The following RABEPK variants were observed in gnomAD, a reference collection of about 807,000 sequenced individuals.
The protein encoded by RABEPK is Rab9 effector protein with kelch motifs.
In RABEPK, 27 loss-of-function variants were observed where a neutral mutation model predicts 34.1. That is an observed-to-expected ratio of 0.79 (90% CI 0.58 to 1.09). The LOEUF is 1.09. Ranked by LOEUF, RABEPK falls within the 50% of genes least tolerant of loss-of-function variation. The pLI is 0.00. For synonymous variants in RABEPK, 172 were observed against 169.2 expected (o/e 1.02, Z -0.13); for missense variants, 449 against 462.6 (o/e 0.97, Z 0.27).
Position 125,228,018 on chromosome 9 carries a change from C to A in RABEPK, c.635C>A (p.Ala212Glu). The A allele has an allele frequency of 2.5e-6, 4 of 1,603,510 alleles. No individual in the cohort carries two copies. The highest frequency in any genetic ancestry group is 3.4e-6 in the Non-Finnish European group (4 of 1,173,768). The change falls in exon 6 of 8, where the codon GCG (alanine) becomes GAG (glutamate). Residue 212 changes from alanine (A) to glutamate (E), a missense_variant. Transcript: ENST00000373538. ...GTKLFIHGGL[A>E]GDRFYDDLHC... is the part of the protein sequence containing the mutation. The stretch of plus-strand genomic sequence containing the variant: ...AAGCTCTTCATCCACGGAGGCTTGG[C>A]GGGGGACAGATTCTATGATGACCTC...
At chr9:125,211,530 T>G (rs947587726) in intron 3 of RABEPK, among the ~76,000 whole-genome samples, 1 of 152,182 alleles carries the variant, frequency 6.6e-6, no homozygotes, top group African/African-American at 2.4e-5. Context: ...TTGATAATGT[T>G]GGAAAATCTA....
chr9:125,232,593 C>T lies in RABEPK; in HGVS notation c.677-3C>T. On this transcript the variant is annotated splice_region_variant and splice_polypyrimidine_tract_variant and intron_variant, in intron 6 of 7. Coordinates refer to ENST00000373538, the MANE Select transcript of RABEPK (RefSeq NM_005833.4). ...CGCCAAAGCTCTTTCTTTCTCTTGG[C>T]AGGTGACATGAAATGGCAGAAGCTA... The T allele has an allele frequency of 1.2e-6, 2 of 1,610,196 alleles. No individual in the cohort carries two copies.
At chr9:125,223,090 G>T (rs1831469697) in intron 5 of RABEPK, among the ~76,000 whole-genome samples, 1 of 152,172 alleles carries the variant, frequency 6.6e-6, no homozygotes, top group Non-Finnish European at 1.5e-5. Context: ...GACCAGCCTG[G>T]CCAAGATGGT....
chr9:125,233,715 T>C lies in RABEPK; in HGVS notation c.854T>C (p.Phe285Ser). The C allele has an allele frequency of 6.2e-7, 1 of 1,614,048 alleles. No individual in the cohort carries two copies. Among genetic ancestry groups the C allele is most frequent in the Non-Finnish European group, 8.5e-7 (1 of 1,179,930 alleles). Residue 285 changes from phenylalanine to serine, a missense_variant, in exon 8 of 8, where the codon TTT (phenylalanine) becomes TCT (serine). Phe to Ser is a radical substitution (Grantham distance 155). Transcript: ENST00000373538. Reference sequence around the variant, plus strand: ...GAGCAGCATTGGACCTTGCTTAAATTTGATACTCTTCTACCCCCTGGACGA... The same window carrying C: ...GAGCAGCATTGGACCTTGCTTAAATCTGATACTCTTCTACCCCCTGGACGA... Reference protein sequence around the residue: ...TEEQHWTLLKFDTLLPPGRLD... With the variant: ...TEEQHWTLLKSDTLLPPGRLD...
At chr9:125,213,176 G>A (rs967728389) in intron 3 of RABEPK, among the ~76,000 whole-genome samples, 194 bp from the exon 4 acceptor site, 1 of 152,100 alleles carries the variant, frequency 6.6e-6, no homozygotes, top group Non-Finnish European at 1.5e-5. Flanking sequence ...TCCATAGAAC[G>A]GGGTCTATGG....
intron 4 of RABEPK, among the ~76,000 whole-genome samples, chr9:125,216,515 G>A (rs1022320507): frequency 2.6e-5 from 4 of 151,920 alleles, no homozygotes; most frequent in African/African-American, 9.7e-5. Flanking sequence ...AGCACATTTA[G>A]ACAGTATGTT....
Position 125,200,893 on chromosome 9 carries a change from G to C in RABEPK, c.-20G>C, listed in dbSNP as rs1248764533. ...CTGGACTTTGGGGACAGCTGTCAGT[G>C]GCCTAGGCCGCAGGTGAGATTTATC... is the stretch of plus-strand genomic sequence containing the variant. On this transcript the variant is annotated 5_prime_UTR_variant, in exon 1 of 8. Coordinates refer to ENST00000373538, the MANE Select transcript of RABEPK (RefSeq NM_005833.4). 1 of 470,262 alleles carries C rather than the reference G, an allele frequency of 2.1e-6. No individual in the cohort carries two copies. The highest frequency in any genetic ancestry group is 4.4e-6 in the Non-Finnish European group (1 of 226,714). The allele number at this position is 470,262 out of a possible 1,614,324, so 29.1% of individuals were successfully genotyped here. A position where few individuals can be genotyped will look rare whatever the true frequency, so the allele number is the denominator to read the frequency against.
At chr9:125,226,715 T>C (rs117240879) in intron 5 of RABEPK, among the ~76,000 whole-genome samples, 2,045 of 150,192 alleles carry the variant, frequency 0.014, 105 homozygotes, top group East Asian at 0.098. Context: ...AATAGAAAAA[T>C]TAGCTGGGGG....
At position 125,232,657 on chromosome 9, in the gene RABEPK, C is replaced by G. The variant is rs756503499; in HGVS notation, c.738C>G (p.His246Gln). Residue 246 changes from histidine (H) to glutamine (Q), a missense_variant, in exon 7 of 8, where the codon CAC becomes CAG. Transcript: ENST00000373538. ...TGAAPAGCAA[H>Q]SAVAMGKHVY... ...CTGCTCCAGCAGGCTGTGCTGCCCACTCAGCTGTGGCCATGGGAAAACATG... is the reference window on the plus strand; with the variant it reads ...CTGCTCCAGCAGGCTGTGCTGCCCAGTCAGCTGTGGCCATGGGAAAACATG... The G allele has an allele frequency of 2.6e-5, 42 of 1,614,046 alleles. No homozygotes were observed. The African/African-American group carries it at 4.8e-4, about 18-fold the overall frequency.
intron 5 of RABEPK, 45 bp from the exon 6 acceptor site, chr9:125,227,865 T>G (rs2131427100): frequency 6.0e-6 from 9 of 1,495,566 alleles, no homozygotes; most frequent in Non-Finnish European, 8.1e-6. Flanking sequence ...TCGTGTTCTT[T>G]TTTAATAGTT....
In RABEPK at chr9:125,203,068, T is replaced by C; in HGVS notation, c.53+2T>C. The C allele has an allele frequency of 1.9e-6, 3 of 1,612,812 alleles. No individual in the cohort carries two copies. Among genetic ancestry groups the C allele is most frequent in the East Asian group, 4.5e-5 (2 of 44,822 alleles). On this transcript the variant is annotated splice_donor_variant, in intron 2 of 7. Coordinates refer to ENST00000373538, the MANE Select transcript of RABEPK (RefSeq NM_005833.4). LOFTEE classifies it high-confidence loss of function. ...AGACAAGCCCAGGAAAGCAACATGG[T>C]CTGTAAGGAAGGATCCAGACACAGA...
chr9:125,233,556 A>G (rs1223302313), intron 7 of RABEPK, 132 bp from the exon 8 acceptor site: 2 of 882,522 alleles, frequency 2.3e-6, no homozygotes, highest in East Asian at 2.5e-5. Context: ...GTTAGCCAGG[A>G]TGGTCTCCAT....
At chr9:125,206,497 C>CAAA (rs34754516) in intron 2 of RABEPK, among the ~76,000 whole-genome samples, 1 of 139,870 alleles carries the variant, frequency 7.1e-6, no homozygotes, top group Non-Finnish European at 1.6e-5. Context: ...GACTCCGTCT[C>CAAA]AAAAAAAAAA....
chr9:125,220,959 G>A (rs933369901), intron 5 of RABEPK: 2 of 344,558 alleles, frequency 5.8e-6, no homozygotes, highest in African/African-American at 4.2e-5. Context: ...TTAAGGTCAG[G>A]AGTTCGAGAA....
At chr9:125,206,086 A>G (rs594639) in intron 2 of RABEPK, among the ~76,000 whole-genome samples, 72,876 of 151,882 alleles carry the variant, frequency 0.48, 18,021 homozygotes, top group East Asian at 0.62. Context: ...ACAAGAAGCG[A>G]GGAGAGGTCA....
chr9:125,233,883 A>G lies in RABEPK; in HGVS notation c.1022A>G (p.Glu341Gly), dbSNP rs1832401748. The change falls in exon 8 of 8, where the codon GAG becomes GGG. Residue 341 changes from glutamate to glycine, a missense_variant. Coordinates refer to ENST00000373538, the MANE Select transcript of RABEPK (RefSeq NM_005833.4). Reference sequence around the variant, plus strand: ...ATGAGCCACAGTGGTGACTCACATGAGGAAAGCCAGACTGCTACACTGCTC... The same window carrying G: ...ATGAGCCACAGTGGTGACTCACATGGGGAAAGCCAGACTGCTACACTGCTC... ...KVMSHSGDSH[E>G]ESQTATLLCL... 1 of 1,613,816 alleles carries G rather than the reference A, an allele frequency of 6.2e-7. No individual in the cohort carries two copies. Among genetic ancestry groups the G allele is most frequent in the South Asian group, 1.1e-5 (1 of 91,082 alleles).
At chr9:125,203,556 TC>T (rs1442350377) in intron 2 of RABEPK, among the ~76,000 whole-genome samples, 1 of 152,170 alleles carries the variant, frequency 6.6e-6, no homozygotes, top group Non-Finnish European at 1.5e-5. Flanking sequence ...TAAAATGTGA[TC>T]TGCTCTGAGT....
chr9:125,227,528 TCTC>T (rs1320158901), intron 5 of RABEPK, among the ~76,000 whole-genome samples: 1 of 151,596 alleles, frequency 6.6e-6, no homozygotes, highest in African/African-American at 2.4e-5. Flanking sequence ...TTCAAGCAAT[TCTC>T]CTGCCTCAGC....
At chr9:125,222,372 T>C (rs1423140915) in intron 5 of RABEPK, 1 of 152,056 alleles carries the variant, frequency 6.6e-6, no homozygotes, top group Non-Finnish European at 1.5e-5. Context: ...CAAAATTAAA[T>C]TACTGTTAAC....
Sources: gnomAD v4.1 joint callset for allele counts (sites outside exome capture counted in the v4.1 genomes callset) on GRCh38, gnomAD v4.1.1 for gene constraint, MANE v1.5 for transcripts, NCBI Gene and HGNC (gene_info 2026-07-23, HGNC 2026-07-21) for gene names.